Variants in LMCD1 observed in about 807,000 individuals in gnomAD.
The protein encoded by LMCD1 is LIM and cysteine-rich domains protein 1.
In LMCD1, 32 loss-of-function variants were observed where a neutral mutation model predicts 42.7. The ratio of observed to expected loss-of-function variants is 0.75; its 90% confidence interval spans 0.57 to 1.01. LMCD1 has a LOEUF of 1.01. LMCD1 is among the 50% of genes least tolerant of loss of function. The pLI, the probability that LMCD1 is intolerant of heterozygous loss-of-function variation, is 0.00. For synonymous variants in LMCD1, 178 were observed against 184.9 expected, an observed-to-expected ratio of 0.96 and a Z score of 0.30; for missense variants, 458 against 483.1, an observed-to-expected ratio of 0.95 and a Z score of 0.49.
chr3:8,554,306 C>T (rs1401914245), intron 4 of LMCD1, among the ~76,000 whole-genome samples: 2 of 152,172 alleles, frequency 1.3e-5, no homozygotes, highest in South Asian at 4.1e-4. Context: ...CGGTTCAATC[C>T]CCAGTCCTTC....
At position 8,524,281 on chromosome 3, in the gene LMCD1, TC is replaced by T. The variant is rs577727845; in HGVS notation, c.43-8455del. On this transcript the variant is annotated intron_variant, in intron 1 of 5. Coordinates refer to ENST00000157600, the MANE Select transcript of LMCD1 (RefSeq NM_014583.4). The stretch of plus-strand genomic sequence containing the variant: ...CACATTCCCAGGTTGGGCCCCCTCA[TC>T]TGGTGGGAATCCTCAGTCGAAGCTT... 2.1e-3 allele frequency among the ~76,000 whole-genome samples: 309 copies of T among 149,266 alleles called. 1 individual carries two copies. Among genetic ancestry groups the T allele is most frequent in the African/African-American group, 6.9e-3 (284 of 40,870 alleles).
intron 4 of LMCD1, among the ~76,000 whole-genome samples, chr3:8,559,644 G>C (rs913166126): frequency 3.5e-4 from 54 of 152,212 alleles, no homozygotes; most frequent in African/African-American, 1.3e-3. Context: ...GGGCCAGGAT[G>C]ATGAGACCCA....
chr3:8,528,954 A>G, intron 1 of LMCD1, among the ~76,000 whole-genome samples: 1 of 152,188 alleles, frequency 6.6e-6, no homozygotes, highest in Non-Finnish European at 1.5e-5. Context: ...AAGCCAAGGA[A>G]AATCGTCAAA....
Position 8,573,340 on chromosome 3 carries a change from C to T in LMCD1, c.*5742C>T, listed in dbSNP as rs1695249758. 6.6e-6 allele frequency: 1 copy of T among 152,176 alleles called. No homozygotes were observed. The allele number at this position is 152,176 out of a possible 1,614,324, so 9.4% of individuals were successfully genotyped here. On this transcript the variant is annotated 3_prime_UTR_variant, in exon 6 of 6. Transcript: ENST00000157600. ...TGTATACATCGTGGAATGGCTAAAT[C>T]AAGCTAACATATCCATTACCTCACA...
intron 4 of LMCD1, among the ~76,000 whole-genome samples, chr3:8,553,204 A>C (rs1574971563): frequency 7.2e-5 from 10 of 139,192 alleles, no homozygotes; most frequent in South Asian, 4.9e-4. Context: ...CCCTACACCC[A>C]CCCCCCGACA....
chr3:8,525,854 C>T (rs1694289830), intron 1 of LMCD1, among the ~76,000 whole-genome samples: 1 of 152,136 alleles, frequency 6.6e-6, no homozygotes, highest in South Asian at 2.1e-4. Context: ...TAATCAACCC[C>T]CAGAGATTGT....
chr3:8,524,692 G>GTTGTTA (rs1694266835), intron 1 of LMCD1, among the ~76,000 whole-genome samples: 1 of 151,976 alleles, frequency 6.6e-6, no homozygotes, highest in African/African-American at 2.4e-5. Flanking sequence ...TGTTGCTGTT[G>GTTGTTA]TTGTTGTTGT....
chr3:8,537,108 G>A (rs1194395143), intron 2 of LMCD1, 77 bp from the exon 3 acceptor site: 1 of 1,507,732 alleles, frequency 6.6e-7, no homozygotes, highest in Non-Finnish European at 9.0e-7. Context: ...TTTCAAAAGG[G>A]TAGATGCTGC....
intron 1 of LMCD1, among the ~76,000 whole-genome samples, chr3:8,526,397 C>T (rs1350032349): frequency 6.6e-6 from 1 of 152,118 alleles, no homozygotes; most frequent in Non-Finnish European, 1.5e-5. Flanking sequence ...CCTTTGAACC[C>T]CACTTAACTA....
At chr3:8,550,732 C>T (rs1358815384) in intron 4 of LMCD1, 2 of 984,850 alleles carry the variant, frequency 2.0e-6, no homozygotes, top group Non-Finnish European at 1.2e-6. Context: ...CTGGTCTTTT[C>T]CCGCCCCACC....
At chr3:8,546,820 C>T (rs920396720) in intron 3 of LMCD1, among the ~76,000 whole-genome samples, 14 of 152,068 alleles carry the variant, frequency 9.2e-5, no homozygotes, top group Admixed American at 2.0e-4. Flanking sequence ...AAGAGAGCGC[C>T]GAGTGGGACA....
chr3:8,533,352 T>C (rs964175467), intron 2 of LMCD1, among the ~76,000 whole-genome samples: 1 of 152,110 alleles, frequency 6.6e-6, no homozygotes, highest in Non-Finnish European at 1.5e-5. Flanking sequence ...GTTTTCTTTC[T>C]TTTTTTCCAC....
chr3:8,502,180 G>T (rs1693737310), intron 1 of LMCD1, among the ~76,000 whole-genome samples, 200 bp downstream of exon 1: 1 of 141,194 alleles, frequency 7.1e-6, no homozygotes, highest in Non-Finnish European at 1.5e-5. Context: ...TAAAATATTT[G>T]CAAAGGGTCT....
At position 8,562,640 on chromosome 3, in the gene LMCD1, CAGAG is replaced by C. The variant is rs144824826; in HGVS notation, c.724-2789_724-2786del. 4.1e-3 allele frequency among the ~76,000 whole-genome samples: 625 copies of C among 152,342 alleles called. 4 individuals carry two copies. Among genetic ancestry groups the C allele is most frequent in the African/African-American group, 0.014 (577 of 41,588 alleles). ...TTGATCCCTAGAGCCCCTCATCCCTCAGAGAGGCCTCTCCTGCTAAGGTGGTCCC... is the reference window on the plus strand; with the variant it reads ...TTGATCCCTAGAGCCCCTCATCCCTCAGGCCTCTCCTGCTAAGGTGGTCCC... On this transcript the variant is annotated intron_variant, in intron 4 of 5. Coordinates refer to ENST00000157600, the MANE Select transcript of LMCD1 (RefSeq NM_014583.4).
At chr3:8,560,095 C>T (rs565480399) in intron 4 of LMCD1, among the ~76,000 whole-genome samples, 1 of 152,276 alleles carries the variant, frequency 6.6e-6, no homozygotes, top group South Asian at 2.1e-4. Context: ...ACCTTGAACT[C>T]CTCATCTCAA....
rs554574876 is a variant in LMCD1 at position 8,553,949 on chromosome 3, G to A, written c.723+5046G>A. 1.5e-4 allele frequency among the ~76,000 whole-genome samples: 23 copies of A among 152,294 alleles called. No homozygotes were observed. In the South Asian group the frequency reaches 2.7e-3, roughly 18 times the overall value. On this transcript the variant is annotated intron_variant, in intron 4 of 5. Coordinates refer to ENST00000157600, the MANE Select transcript of LMCD1 (RefSeq NM_014583.4). ...CTTTTCCTCACATGTCCCATTGTGC[G>A]GGGATGGAGGGTAGGAAAGAAGACA...
At chr3:8,528,464 G>A (rs1177903317) in intron 1 of LMCD1, among the ~76,000 whole-genome samples, 1 of 152,100 alleles carries the variant, frequency 6.6e-6, no homozygotes. Flanking sequence ...CCAGAGTGCT[G>A]GGATTACAGG....
intron 1 of LMCD1, among the ~76,000 whole-genome samples, chr3:8,529,266 T>C (rs920180520): frequency 2.6e-5 from 4 of 151,660 alleles, no homozygotes; most frequent in African/African-American, 9.7e-5. Flanking sequence ...CAAATGACTA[T>C]TTATTGCATT....
chr3:8,554,953 C>G (rs1377766033), intron 4 of LMCD1, among the ~76,000 whole-genome samples: 3 of 152,092 alleles, frequency 2.0e-5, no homozygotes, highest in Non-Finnish European at 4.4e-5. Context: ...GGCGCCTCCC[C>G]GTCTTGCCCC....
Sources: gnomAD v4.1 joint callset for allele counts (sites outside exome capture counted in the v4.1 genomes callset) on GRCh38, gnomAD v4.1.1 for gene constraint, MANE v1.5 for transcripts, NCBI Gene and HGNC (gene_info 2026-07-23, HGNC 2026-07-21) for gene names.